ADCY9: variants seen among roughly 807,000 people sequenced by gnomAD.
The protein encoded by ADCY9 is adenylate cyclase 9.
In ADCY9, 50 loss-of-function variants were observed where a neutral mutation model predicts 101.5. The observed-to-expected ratio is 0.49, with a 90% CI of 0.39 to 0.62. ADCY9 has a LOEUF of 0.62. ADCY9 is among the 20% of genes least tolerant of loss of function. ADCY9 has a pLI of 0.00. For missense variants in ADCY9, 1,662 were observed against 1,800.4 expected (o/e 0.92, Z 1.39); for synonymous variants, 905 against 769.3 (o/e 1.18, Z -2.92).
intron 2 of ADCY9, among the ~76,000 whole-genome samples, chr16:4,113,221 G>A (rs2057124956): frequency 6.6e-6 from 1 of 151,832 alleles, no homozygotes; most frequent in African/African-American, 2.4e-5. Flanking sequence ...TCAGAGGTAA[G>A]TAACTCCGTC....
At chr16:4,108,225 C>T (rs1304492887) in intron 2 of ADCY9, among the ~76,000 whole-genome samples, 2 of 152,110 alleles carry the variant, frequency 1.3e-5, no homozygotes, top group African/African-American at 2.4e-5. Context: ...GAAAAGCCAA[C>T]AGCTCGAGAT....
chr16:4,055,162 T>G (rs1314620996), intron 2 of ADCY9, among the ~76,000 whole-genome samples: 2 of 152,076 alleles, frequency 1.3e-5, no homozygotes, highest in African/African-American at 4.8e-5. Context: ...GAGCCATTCT[T>G]CCACACCGGG....
chr16:4,092,971 C>T (rs563306583), intron 2 of ADCY9, among the ~76,000 whole-genome samples: 1 of 152,186 alleles, frequency 6.6e-6, no homozygotes, highest in South Asian at 2.1e-4. Context: ...ACAGAATGAT[C>T]TCAGTTTTTT....
chr16:4,016,847 C>T (rs1039539718), intron 2 of ADCY9, among the ~76,000 whole-genome samples: 7 of 152,204 alleles, frequency 4.6e-5, no homozygotes, highest in African/African-American at 4.8e-5. Flanking sequence ...TAACTGCTAA[C>T]GGATGCAGGG....
chr16:4,030,696 T>C (rs1391344646), intron 2 of ADCY9, among the ~76,000 whole-genome samples: 25 of 147,314 alleles, frequency 1.7e-4, no homozygotes, highest in Non-Finnish European at 7.5e-5. Context: ...ACAGCAAAAC[T>C]CGGTCTCAAA....
chr16:4,025,139 G>A (rs1314229459), intron 2 of ADCY9, among the ~76,000 whole-genome samples: 1 of 152,112 alleles, frequency 6.6e-6, no homozygotes, highest in Admixed American at 6.5e-5. Flanking sequence ...GAGGCGGGTG[G>A]ATCACCTGAG....
At chr16:4,074,988 C>A (rs1276297651) in intron 2 of ADCY9, among the ~76,000 whole-genome samples, 1 of 152,046 alleles carries the variant, frequency 6.6e-6, no homozygotes, top group Non-Finnish European at 1.5e-5. Flanking sequence ...CCAGCCTGGG[C>A]AACATGGTGA....
chr16:3,966,219 G>A lies in ADCY9; in HGVS notation c.3618C>T (p.Ile1206=). ...CGCGGTAGCTCTCTTCGCTCACCTG[G>A]ATGCGGCACTCCACGCCGGTGGTGT... The part of the protein sequence containing the change: ...RMDTTGVECR[I]QVSEESYRVL... Residue 1206 remains isoleucine, a synonymous_variant, in exon 11 of 11, where the codon ATC becomes ATT. Coordinates refer to ENST00000294016, the MANE Select transcript of ADCY9 (RefSeq NM_001116.4). 1 of 1,614,216 alleles carries A rather than the reference G, an allele frequency of 6.2e-7. No individual in the cohort carries two copies. The highest frequency in any genetic ancestry group is 8.5e-7 in the Non-Finnish European group (1 of 1,180,030).
At chr16:4,098,215 G>T (rs917064253) in intron 2 of ADCY9, among the ~76,000 whole-genome samples, 4 of 151,726 alleles carry the variant, frequency 2.6e-5, no homozygotes, top group Admixed American at 2.6e-4. Flanking sequence ...TTTTGGTTTG[G>T]GATTTTTTGT....
chr16:4,081,108 C>A (rs1299384637), intron 2 of ADCY9, among the ~76,000 whole-genome samples: 1 of 152,182 alleles, frequency 6.6e-6, no homozygotes, highest in African/African-American at 2.4e-5. Context: ...CGAGCGTGCT[C>A]ATGTGTGTGG....
intron 10 of ADCY9, among the ~76,000 whole-genome samples, chr16:3,971,625 G>A (rs1452447389): frequency 6.6e-6 from 1 of 152,202 alleles, no homozygotes; most frequent in African/African-American, 2.4e-5. Flanking sequence ...CCCTCTGGTT[G>A]ATTGTAAATA....
At chr16:3,985,753 C>T (rs903736049) in intron 6 of ADCY9, among the ~76,000 whole-genome samples, 4 of 152,122 alleles carry the variant, frequency 2.6e-5, no homozygotes, top group Non-Finnish European at 4.4e-5. Context: ...CCAGAGGCCC[C>T]GCTCCTCCCT....
Position 3,966,594 on chromosome 16 carries a change from G to A in ADCY9, c.3243C>T (p.Cys1081=), listed in dbSNP as rs1263556969. The change falls in exon 11 of 11, where the codon TGC becomes TGT. Residue 1081 remains cysteine, a synonymous_variant. Transcript: ENST00000294016. ...CGATGAGCTCGTTGAGGACCCGGTA[G>A]CACTCCTTGCCGCCCTCGTAGTTCT... The part of the protein sequence containing the change: ...YEENYEGGKE[C]YRVLNELIGD... 6.2e-7 allele frequency: 1 copy of A among 1,614,206 alleles called. No homozygotes were observed. Among genetic ancestry groups the A allele is most frequent in the East Asian group, 2.2e-5 (1 of 44,884 alleles).
At chr16:4,013,914 C>T (rs777797043) in intron 2 of ADCY9, among the ~76,000 whole-genome samples, 2 of 152,184 alleles carry the variant, frequency 1.3e-5, no homozygotes, top group African/African-American at 4.8e-5. Context: ...TACTCATATG[C>T]ACCATAAATA....
chr16:3,983,534 C>G, intron 6 of ADCY9, 94 bp from the exon 7 acceptor site: 1 of 1,078,196 alleles, frequency 9.3e-7, no homozygotes, highest in South Asian at 1.4e-5. Context: ...GTGCGGAGCA[C>G]TGCTGCTCTG....
At chr16:4,045,827 T>G (rs1360299370) in intron 2 of ADCY9, among the ~76,000 whole-genome samples, 1 of 150,174 alleles carries the variant, frequency 6.7e-6, no homozygotes, top group Non-Finnish European at 1.5e-5. Flanking sequence ...GCCGCCCGAG[T>G]AGCTGGGACT....
At chr16:4,004,716 T>C (rs2056355564) in intron 3 of ADCY9, among the ~76,000 whole-genome samples, 1 of 152,166 alleles carries the variant, frequency 6.6e-6, no homozygotes, top group African/African-American at 2.4e-5. Context: ...GAAACAAAGA[T>C]TTAAGATCGT....
chr16:4,057,038 G>GCCCCCCCCCCCCCCCCCC (rs375745334), intron 2 of ADCY9, among the ~76,000 whole-genome samples: 2 of 83,510 alleles, frequency 2.4e-5, no homozygotes, highest in African/African-American at 5.3e-5. Flanking sequence ...TGATGAAACC[G>GCCCCCCCCCCCCCCCCCC]CCCCCCCCCC....
At chr16:4,109,838 A>T (rs1004674048) in intron 2 of ADCY9, among the ~76,000 whole-genome samples, 3 of 152,078 alleles carry the variant, frequency 2.0e-5, no homozygotes, top group Middle Eastern at 3.2e-3. Flanking sequence ...GAACTTTCTA[A>T]AACTGCAAGT....
Sources: gnomAD v4.1 joint callset for allele counts (sites outside exome capture counted in the v4.1 genomes callset) on GRCh38, gnomAD v4.1.1 for gene constraint, MANE v1.5 for transcripts, NCBI Gene and HGNC (gene_info 2026-07-23, HGNC 2026-07-21) for gene names.